PTPN2: variants seen among roughly 807,000 people sequenced by gnomAD.
PTPN2 encodes the protein protein tyrosine phosphatase non-receptor type 2, also known as tyrosine-protein phosphatase non-receptor type 2.
In PTPN2, 19 loss-of-function variants were observed where a neutral mutation model predicts 57.3. That is an observed-to-expected ratio of 0.33 (90% CI 0.23 to 0.49). PTPN2 has a LOEUF of 0.49. Ranked by LOEUF, PTPN2 falls within the 20% of genes least tolerant of loss-of-function variation. PTPN2 has a pLI of 0.99. For missense variants in PTPN2, 358 were observed against 501.1 expected (o/e 0.71, Z 2.73); for synonymous variants, 153 against 164.9 (o/e 0.93, Z 0.55).
intron 1 of PTPN2, among the ~76,000 whole-genome samples, chr18:12,861,189 T>C (rs513185): frequency 0.87 from 131,902 of 152,172 alleles, 58,506 homozygotes; most frequent in Non-Finnish European, 0.96. Context: ...ATTTCTAATA[T>C]GAAACTTCTC....
rs527266195 is a variant in PTPN2 at position 12,805,653 on chromosome 18, T to C, written c.859-3502A>G. On this transcript the variant is annotated intron_variant, in intron 7 of 8. Coordinates refer to ENST00000309660, the MANE Select transcript of PTPN2 (RefSeq NM_002828.4). ...ATGCCTCCTTTCTTTTTTTTTTTTT[T>C]TTTTGAGATGGAGTCTTGCTCTGTC... Among the ~76,000 whole-genome samples, 25 of 150,632 alleles carry C rather than the reference T, an allele frequency of 1.7e-4. No individual in the cohort carries two copies. The South Asian group carries it at 4.6e-3, about 28-fold the overall frequency.
intron 7 of PTPN2, among the ~76,000 whole-genome samples, chr18:12,807,251 T>G (rs1048119385): frequency 2.0e-5 from 3 of 151,798 alleles, no homozygotes; most frequent in Non-Finnish European, 2.9e-5. Context: ...ACACCCCAAT[T>G]AGAATGACTA....
intron 7 of PTPN2, among the ~76,000 whole-genome samples, chr18:12,805,433 G>C (rs2041608469): frequency 6.6e-6 from 1 of 151,016 alleles, no homozygotes; most frequent in Admixed American, 6.6e-5. Context: ...CTCCAGCCTG[G>C]GCAACAGAGC....
At chr18:12,841,325 C>A (rs1024345432) in intron 2 of PTPN2, among the ~76,000 whole-genome samples, 6 of 152,224 alleles carry the variant, frequency 3.9e-5, no homozygotes, top group African/African-American at 1.4e-4. Flanking sequence ...GTGGGCCGTG[C>A]TACAGGCACA....
In PTPN2 at chr18:12,785,742, T is replaced by C. The variant is rs376070557; in HGVS notation, c.*81A>G. 308 of 1,336,108 alleles carry C rather than the reference T, an allele frequency of 2.3e-4. No homozygotes were observed. In the African/African-American group the frequency reaches 4.0e-3, roughly 17 times the overall value. 82.8% of individuals were successfully genotyped at this position (1,336,108 alleles called of 1,614,324 possible). On this transcript the variant is annotated 3_prime_UTR_variant, in exon 10 of 10. Coordinates refer to the PTPN2 transcript ENST00000327283. ...GAGGGTTAGCGAGCCTCACTTTAGT[T>C]TCCGGAGTGGGCTTCAGGTCTTGCT...
chr18:12,846,016 C>G (rs1039726259), intron 2 of PTPN2, among the ~76,000 whole-genome samples: 1 of 152,138 alleles, frequency 6.6e-6, no homozygotes, highest in Admixed American at 6.5e-5. Context: ...CCTTTTGAAA[C>G]TGTAAGTCAG....
intron 1 of PTPN2, among the ~76,000 whole-genome samples, chr18:12,861,794 C>A (rs990102477): frequency 6.6e-6 from 1 of 152,174 alleles, no homozygotes; most frequent in Non-Finnish European, 1.5e-5. Flanking sequence ...GTGATACACA[C>A]ACACCCATTT....
At chr18:12,835,611 G>A (rs2042836663) in intron 3 of PTPN2, among the ~76,000 whole-genome samples, 1 of 151,916 alleles carries the variant, frequency 6.6e-6, no homozygotes, top group Non-Finnish European at 1.5e-5. Flanking sequence ...CCTGATCTCA[G>A]GTGATCCATC....
At chr18:12,850,435 G>A (rs1307093720) in intron 2 of PTPN2, among the ~76,000 whole-genome samples, 1 of 151,818 alleles carries the variant, frequency 6.6e-6, no homozygotes, top group East Asian at 2.0e-4. Flanking sequence ...GCTGCAGTGA[G>A]CTGAGATCAC....
intron 8 of PTPN2, among the ~76,000 whole-genome samples, chr18:12,796,828 T>C (rs2041207794): frequency 6.6e-6 from 1 of 152,200 alleles, no homozygotes; most frequent in South Asian, 2.1e-4. Context: ...CTCTAGCCCT[T>C]CTATTCTTAC....
intron 7 of PTPN2, among the ~76,000 whole-genome samples, chr18:12,802,608 G>T (rs1179407389): frequency 6.6e-6 from 1 of 152,186 alleles, no homozygotes; most frequent in African/African-American, 2.4e-5. Flanking sequence ...AATTCTAAAA[G>T]CAGCAAGAGA....
intron 1 of PTPN2, among the ~76,000 whole-genome samples, chr18:12,883,279 G>C (rs867554723): frequency 6.6e-6 from 1 of 152,238 alleles, no homozygotes; most frequent in African/African-American, 2.4e-5. Flanking sequence ...ACTATAAAGA[G>C]AATGACACGC....
intron 4 of PTPN2, 112 bp from the exon 5 acceptor site, chr18:12,826,056 C>T (rs1432160513): frequency 3.7e-6 from 3 of 821,458 alleles, no homozygotes; most frequent in Admixed American, 3.0e-5. Flanking sequence ...TTTTCAAGTA[C>T]CCAAAACTAA....
chr18:12,826,043 AT>A, intron 4 of PTPN2, 99 bp from the exon 5 acceptor site: 1 of 967,342 alleles, frequency 1.0e-6, no homozygotes, highest in South Asian at 2.0e-5. Flanking sequence ...TACATGCTAT[AT>A]TTTTTCAAGT....
intron 7 of PTPN2, among the ~76,000 whole-genome samples, chr18:12,803,878 C>T (rs1372347569): frequency 2.0e-5 from 3 of 152,144 alleles, no homozygotes; most frequent in Non-Finnish European, 4.4e-5. Flanking sequence ...GCCAAATGGA[C>T]CTAACACACA....
intron 7 of PTPN2, among the ~76,000 whole-genome samples, chr18:12,807,195 C>T (rs188868302): frequency 2.0e-4 from 31 of 152,114 alleles, no homozygotes; most frequent in Admixed American, 3.9e-4. Context: ...GTCAATATCA[C>T]TAATCATCAG....
intron 8 of PTPN2, among the ~76,000 whole-genome samples, chr18:12,799,181 G>C (rs1234842378): frequency 6.6e-6 from 1 of 152,132 alleles, no homozygotes; most frequent in African/African-American, 2.4e-5. Flanking sequence ...CACTTTGGGA[G>C]GCTGAGGCGG....
At chr18:12,787,259 CAG>C (rs1353738723), downstream of PTPN2, 1 of 152,148 alleles carries the variant, frequency 6.6e-6, no homozygotes, top group Non-Finnish European at 1.5e-5. Flanking sequence ...CCATTAAAAA[CAG>C]AGTCCGTGTA....
chr18:12,801,987 C>T lies in PTPN2; in HGVS notation c.1023G>A (p.Met341Ile). ...TGLSSKMQDT[M>I]EENSESALRK... ...AAGCTTACCTCTCACTGTTCTCCTC[C>T]ATTGTATCTTGCATTTTAGAGGAAA... The change falls in exon 8 of 9, where the codon ATG becomes ATA. Residue 341 changes from methionine to isoleucine, a missense_variant. Physicochemically the swap from Met to Ile is conservative, Grantham distance 10 (BLOSUM62 1). Coordinates refer to ENST00000309660, the MANE Select transcript of PTPN2 (RefSeq NM_002828.4). 1 of 1,607,724 alleles carries T rather than the reference C, an allele frequency of 6.2e-7. No homozygotes were observed. Among genetic ancestry groups the T allele is most frequent in the South Asian group, 1.1e-5 (1 of 89,620 alleles).
Sources: allele counts gnomAD v4.1 joint callset (sites outside exome capture counted in the v4.1 genomes callset), GRCh38; gene constraint gnomAD v4.1.1; transcripts MANE v1.5; gene names NCBI Gene and HGNC (gene_info 2026-07-23, HGNC 2026-07-21).